Variants in PRAC2 observed in about 807,000 individuals in gnomAD.
The protein encoded by PRAC2 is PRAC2 small nuclear protein.
For synonymous variants in PRAC2, 43 were observed against 49.5 expected, an observed-to-expected ratio of 0.87 and a Z score of 0.55; for missense variants, 92 against 114.5, an observed-to-expected ratio of 0.80 and a Z score of 0.90.
intron 1 of PRAC2, among the ~76,000 whole-genome samples, 157 bp downstream of exon 1, chr17:48,723,470 G>T (rs555048455): frequency 1.3e-5 from 2 of 152,262 alleles, no homozygotes; most frequent in South Asian, 4.2e-4. Context: ...GGGGGGGAGG[G>T]GAGCTGCAGG....
chr17:48,723,055 T>C (rs2143046745), upstream of PRAC2: 1 of 152,376 alleles, frequency 6.6e-6, no homozygotes, highest in South Asian at 2.1e-4. Context: ...AACTAACTGG[T>C]AGGGAGAGAG....
chr17:48,720,986 T>C (rs578211686), upstream of PRAC2, among the ~76,000 whole-genome samples: 2 of 152,356 alleles, frequency 1.3e-5, no homozygotes, highest in South Asian at 4.1e-4. Context: ...TAGTTTCAAT[T>C]TCTTTAGGTT....
Position 48,724,388 on chromosome 17 carries a change from A to G in PRAC2, c.-23A>G. 1 of 1,234,378 alleles carries G rather than the reference A, an allele frequency of 8.1e-7. No homozygotes were observed. The highest frequency in any genetic ancestry group is 1.0e-6 in the Non-Finnish European group (1 of 988,152). The allele number at this position is 1,234,378 out of a possible 1,614,324, so 76.5% of individuals were successfully genotyped here. A position where few individuals can be genotyped will look rare whatever the true frequency, so the allele number is the denominator to read the frequency against. ...GGGGGGGTCCACACCACTAATTATT[A>G]TGGCGAGGAAGATAAAGAAGACATG... is the stretch of plus-strand genomic sequence containing the variant. On this transcript the variant is annotated 5_prime_UTR_variant, in exon 2 of 2. It removes an upstream start codon present in the reference 5' UTR. Transcript: ENST00000422730.
At chr17:48,721,751 T>G, upstream of PRAC2, 1 of 1,441,386 alleles carries the variant, frequency 6.9e-7, no homozygotes, top group Non-Finnish European at 9.2e-7. Context: ...ATTGTATAAA[T>G]AGAGACAGCG....
chr17:48,722,025 G>A (rs80356299), upstream of PRAC2: 11,185 of 1,118,788 alleles, frequency 1.0e-2, 424 homozygotes, highest in African/African-American at 0.11. Context: ...CTTACAGCGG[G>A]TGCTAGTTCC....
chr17:48,724,362 T>TGG lies in PRAC2; in HGVS notation c.-43_-42dup, dbSNP rs369888513. The TGG allele has an allele frequency of 3.6e-5, 44 of 1,233,260 alleles. No homozygotes were observed. In the Middle Eastern group the frequency reaches 6.2e-4, roughly 17 times the overall value. The allele number at this position is 1,233,260 out of a possible 1,614,324, so 76.4% of individuals were successfully genotyped here. On this transcript the variant is annotated 5_prime_UTR_variant, in exon 2 of 2. Coordinates refer to ENST00000422730, the MANE Select transcript of PRAC2 (RefSeq NM_001282275.2). ...AAGTAAATCCGAAAAAAAGTGTGTG[T>TGG]GGGGGGGTCCACACCACTAATTATT... is the stretch of plus-strand genomic sequence containing the variant.
upstream of PRAC2, chr17:48,722,189 C>G: frequency 1.2e-6 from 1 of 809,428 alleles, no homozygotes; most frequent in Non-Finnish European, 2.0e-6. Flanking sequence ...CTGCTGCTCA[C>G]CCTTCCCTTG....
upstream of PRAC2, among the ~76,000 whole-genome samples, chr17:48,718,899 G>A (rs2038119467): frequency 6.6e-6 from 1 of 152,196 alleles, no homozygotes; most frequent in Admixed American, 6.5e-5. Flanking sequence ...TTTGTCGGCG[G>A]GGACCTGACT....
At chr17:48,719,812 A>T (rs1412875562), upstream of PRAC2, among the ~76,000 whole-genome samples, 1 of 152,146 alleles carries the variant, frequency 6.6e-6, no homozygotes, top group Non-Finnish European at 1.5e-5. Flanking sequence ...GTTCCCCGGA[A>T]GGCAAGGATT....
At chr17:48,723,799 C>T in intron 1 of PRAC2, 1 of 1,226,022 alleles carries the variant, frequency 8.2e-7, no homozygotes, top group African/African-American at 1.6e-5. Flanking sequence ...CGCCACTACT[C>T]CCTTATTCGG....
At chr17:48,721,628 T>G, upstream of PRAC2, 3 of 571,202 alleles carry the variant, frequency 5.3e-6, no homozygotes, top group Non-Finnish European at 5.4e-6. Context: ...CCTGGCCCGT[T>G]TTTATTTTTT....
upstream of PRAC2, chr17:48,722,306 C>T (rs772969164): frequency 2.5e-6 from 4 of 1,610,184 alleles, no homozygotes; most frequent in African/African-American, 1.3e-5. Context: ...CTTGGCCCAC[C>T]GATCAGTTTA....
Position 48,724,361 on chromosome 17 carries a change from GT to G in PRAC2, c.-49del, listed in dbSNP as rs372079370. The G allele has an allele frequency of 3.4e-4, 418 of 1,230,752 alleles. No homozygotes were observed. The African/African-American group carries it at 4.3e-3, about 13-fold the overall frequency. 76.2% of individuals were successfully genotyped at this position (1,230,752 alleles called of 1,614,324 possible). ...CAAGTAAATCCGAAAAAAAGTGTGT[GT>G]GGGGGGGTCCACACCACTAATTATT... On this transcript the variant is annotated 5_prime_UTR_variant, in exon 2 of 2. Transcript: ENST00000422730.
At chr17:48,723,710 G>T (rs1022680151) in intron 1 of PRAC2, 3 of 1,231,674 alleles carry the variant, frequency 2.4e-6, no homozygotes, top group African/African-American at 3.1e-5. Flanking sequence ...GAAAGATGGA[G>T]CCTCAGGTTC....
At chr17:48,722,450 A>G (rs1054072), upstream of PRAC2, 643,716 of 1,492,928 alleles carry the variant, frequency 0.43, 141,032 homozygotes, top group African/African-American at 0.61. Flanking sequence ...CTTGCAAGCA[A>G]GCATCGGCCT....
chr17:48,721,790 A>G, upstream of PRAC2: 1 of 1,527,738 alleles, frequency 6.5e-7, no homozygotes. Flanking sequence ...GCTGGTCTGG[A>G]ACTCCTGTGC....
chr17:48,724,266 T>C (rs2038178777), intron 1 of PRAC2, 62 bp from the exon 2 acceptor site: 5 of 942,492 alleles, frequency 5.3e-6, no homozygotes, highest in Non-Finnish European at 6.9e-6. Flanking sequence ...GAGACTAAAA[T>C]TGGGAAGGGA....
chr17:48,724,597 C>T lies in PRAC2; in HGVS notation c.187C>T (p.Leu63Phe). The part of the protein sequence containing the change: ...RHRVLDPHTQ[L>F]STHEAPGRWK... ...TCGGGTCCTGGACCCCCACACGCAG[C>T]TCAGTACCCACGAGGCCCCAGGCCG... The change falls in exon 2 of 2, where the codon CTC becomes TTC. Residue 63 changes from leucine to phenylalanine, a missense_variant. By Grantham distance (22) the Leu-to-Phe change is conservative (BLOSUM62 0). Transcript: ENST00000422730. 8.1e-7 allele frequency: 1 copy of T among 1,232,164 alleles called. No homozygotes were observed. Among genetic ancestry groups the T allele is most frequent in the Non-Finnish European group, 1.0e-6 (1 of 987,988 alleles). 76.3% of individuals were successfully genotyped at this position (1,232,164 alleles called of 1,614,324 possible). A position where few individuals can be genotyped will look rare whatever the true frequency, so the allele number is the denominator to read the frequency against.
At chr17:48,719,070 C>A (rs535601783), upstream of PRAC2, among the ~76,000 whole-genome samples, 7 of 152,082 alleles carry the variant, frequency 4.6e-5, no homozygotes, top group African/African-American at 9.7e-5. Flanking sequence ...GTGGCCCCTG[C>A]GCCTCCCCGC....
Sources: gnomAD v4.1 joint callset for allele counts (sites outside exome capture counted in the v4.1 genomes callset) on GRCh38, gnomAD v4.1.1 for gene constraint, MANE v1.5 for transcripts, NCBI Gene and HGNC (gene_info 2026-07-23, HGNC 2026-07-21) for gene names.